DDX6: variants seen among roughly 807,000 people sequenced by gnomAD.
DDX6 encodes DEAD-box helicase 6.
Under a neutral mutation model 60.6 loss-of-function variants are expected in DDX6, and 7 were observed. The ratio of observed to expected loss-of-function variants is 0.12; its 90% CI spans 0.07 to 0.22. The LOEUF (loss-of-function observed/expected upper bound fraction) is 0.22. Among genes scored for constraint, DDX6 ranks in the 10% least tolerant of loss-of-function variants. The probability of loss-of-function intolerance (pLI) is 1.00; values close to 1 mark genes in which losing one functional copy is unlikely to be tolerated. For synonymous variants in DDX6, 207 were observed against 201.0 expected (o/e 1.03, Z -0.25); for missense variants, 270 against 589.9 (o/e 0.46, Z 5.62).
rs1860676457 is a variant in DDX6, at chr11:118,749,383, A to AAAAAAAAAT, written c.*2721_*2722insATTTTTTTT. 1.4e-5 allele frequency: 2 copies of AAAAAAAAAT among 144,914 alleles called. No individual in the cohort carries two copies. The highest frequency in any genetic ancestry group is 1.5e-5 in the Non-Finnish European group (1 of 66,068). 9.0% of individuals were successfully genotyped at this position (144,914 alleles called of 1,614,324 possible). On this transcript the variant is annotated 3_prime_UTR_variant, in exon 14 of 14. Coordinates refer to ENST00000534980, the MANE Select transcript of DDX6 (RefSeq NM_004397.6). ...GAAAAAAAAAAAAAAAAAAAAAAAG[A>AAAAAAAAAT]CCAGGCTTTGACCTAGTCCTCAGAG...
intron 1 of DDX6, chr11:118,789,971 T>C (rs1351104609): frequency 2.6e-5 from 4 of 152,172 alleles, no homozygotes; most frequent in African/African-American, 7.2e-5. Context: ...GTAGACTAGT[T>C]GGGAGGAGCC....
chr11:118,779,999 G>A (rs927270786), intron 3 of DDX6, among the ~76,000 whole-genome samples: 5 of 150,388 alleles, frequency 3.3e-5, no homozygotes, highest in South Asian at 4.2e-4. Flanking sequence ...GCCTGTAGTC[G>A]CAGCTACTTG....
Position 118,751,747 on chromosome 11 carries a change from G to A in DDX6, c.*358C>T. The A allele has an allele frequency of 3.3e-6, 1 of 298,844 alleles. No individual in the cohort carries two copies. Among genetic ancestry groups the A allele is most frequent in the Non-Finnish European group, 6.6e-6 (1 of 152,132 alleles). The allele number at this position is 298,844 out of a possible 1,614,324, so 18.5% of individuals were successfully genotyped here. On this transcript the variant is annotated 3_prime_UTR_variant, in exon 14 of 14. Transcript: ENST00000534980. ...CGAGAGTCAGCTGTTGGAGAATTTT[G>A]AAATCATTGACAAGCTTGTGTGTTC...
At chr11:118,788,958 G>A (rs1862172819) in intron 1 of DDX6, 1 of 152,144 alleles carries the variant, frequency 6.6e-6, no homozygotes, top group Non-Finnish European at 1.5e-5. Flanking sequence ...TAGGATTACA[G>A]GCGAGAGCCA....
intron 5 of DDX6, 125 bp downstream of exon 5, chr11:118,768,098 C>G (rs1861415897): frequency 4.2e-6 from 4 of 957,030 alleles, no homozygotes; most frequent in Non-Finnish European, 4.4e-6. Flanking sequence ...AAGAAAAAAC[C>G]TGAAAAGAAA....
chr11:118,753,143 C>A (rs1278758515), intron 13 of DDX6, among the ~76,000 whole-genome samples: 1 of 152,110 alleles, frequency 6.6e-6, no homozygotes, highest in Non-Finnish European at 1.5e-5. Flanking sequence ...ATTCTCCTGC[C>A]TCAGCCTCCT....
At chr11:118,776,826 T>A (rs1555163696) in intron 4 of DDX6, among the ~76,000 whole-genome samples, 6 of 147,864 alleles carry the variant, frequency 4.1e-5, no homozygotes, top group Non-Finnish European at 8.9e-5. Context: ...AGTAAGGCTC[T>A]GTCTCAAAAA....
In DDX6 at chr11:118,781,125, G is replaced by T; in HGVS notation, c.260C>A (p.Thr87Asn). Residue 87 changes from threonine to asparagine, a missense_variant, in exon 3 of 14, where the codon ACT becomes AAT. Physicochemically the swap from Thr to Asn is moderately conservative, Grantham distance 65. Transcript: ENST00000534980. ...KLPPKDLRIK[T>N]SDVTSTKGNE... ...TGTATTTTACAACCAACTTACCGAA[G>T]TTTTGATTCTTAGATCCTTTGGAGG... 1 of 1,599,978 alleles carries T rather than the reference G, an allele frequency of 6.3e-7. No individual in the cohort carries two copies. Among genetic ancestry groups the T allele is most frequent in the Non-Finnish European group, 8.5e-7 (1 of 1,170,656 alleles).
Position 118,757,111 on chromosome 11 carries a change from A to G in DDX6, c.1110+60T>C, listed in dbSNP as rs569709892. 8.0e-5 allele frequency: 75 copies of G among 936,748 alleles called. No individual in the cohort carries two copies. In the African/African-American group the frequency reaches 1.2e-3, roughly 15 times the overall value. The allele number at this position is 936,748 out of a possible 1,614,324, so 58.0% of individuals were successfully genotyped here. A position where few individuals can be genotyped will look rare whatever the true frequency, so the allele number is the denominator to read the frequency against. ...ACTCAGGACATTTAAAAGAACATTAAAACAAAATAAAGAAAGAGATTTCTT... is the reference window on the plus strand; with the variant it reads ...ACTCAGGACATTTAAAAGAACATTAGAACAAAATAAAGAAAGAGATTTCTT... On this transcript the variant is annotated intron_variant, in intron 10 of 13. Coordinates refer to ENST00000534980, the MANE Select transcript of DDX6 (RefSeq NM_004397.6).
chr11:118,763,640 C>A (rs575855297), intron 6 of DDX6, among the ~76,000 whole-genome samples: 17 of 152,004 alleles, frequency 1.1e-4, no homozygotes, highest in African/African-American at 3.6e-4. Flanking sequence ...TCGAGACCAG[C>A]CTGGCCAACA....
At chr11:118,780,881 C>T (rs1034102142) in intron 3 of DDX6, among the ~76,000 whole-genome samples, 3 of 152,114 alleles carry the variant, frequency 2.0e-5, no homozygotes, top group Non-Finnish European at 2.9e-5. Context: ...TAAATGCCCC[C>T]GGGAGACAAA....
chr11:118,750,457 T>A lies in DDX6; in HGVS notation c.*1648A>T, dbSNP rs138558622. The A allele has an allele frequency of 1.3e-5, 2 of 152,278 alleles. No individual in the cohort carries two copies. Among genetic ancestry groups the A allele is most frequent in the South Asian group, 4.1e-4 (2 of 4,830 alleles). 9.4% of individuals were successfully genotyped at this position (152,278 alleles called of 1,614,324 possible). On this transcript the variant is annotated 3_prime_UTR_variant, in exon 14 of 14. Coordinates refer to ENST00000534980, the MANE Select transcript of DDX6 (RefSeq NM_004397.6). The stretch of plus-strand genomic sequence containing the variant: ...CAAGAGAATGGCAAGCAGCTTTCTG[T>A]AGCATGAAAGTTAACAGCTCTCAGG...
intron 4 of DDX6, among the ~76,000 whole-genome samples, chr11:118,769,929 T>C (rs1227669364): frequency 6.6e-6 from 1 of 151,316 alleles, no homozygotes; most frequent in Non-Finnish European, 1.5e-5. Flanking sequence ...AGGATGGTGT[T>C]GATCTCCTGA....
rs558478636 is a variant in DDX6, at chr11:118,749,364, A to G, written c.*2741T>C. ...TGAGGGCCCAAAAAAGAAAGAAAAA[A>G]AAAAAAAAAAAAAAAAAGACCAGGC... On this transcript the variant is annotated 3_prime_UTR_variant, in exon 14 of 14. Transcript: ENST00000534980. The G allele has an allele frequency of 6.8e-6, 1 of 146,680 alleles. No individual in the cohort carries two copies. The highest frequency in any genetic ancestry group is 2.5e-5 in the African/African-American group (1 of 39,568). 9.1% of individuals were successfully genotyped at this position (146,680 alleles called of 1,614,324 possible). A position where few individuals can be genotyped will look rare whatever the true frequency, so the allele number is the denominator to read the frequency against.
At position 118,783,057 on chromosome 11, in the gene DDX6, T is replaced by C. The variant is rs1256726041; in HGVS notation, c.201-1873A>G. Among the ~76,000 whole-genome samples, 4 of 151,072 alleles carry C rather than the reference T, an allele frequency of 2.6e-5. No individual in the cohort carries two copies. The East Asian group carries it at 7.8e-4, about 29-fold the overall frequency. Reference sequence around the variant, plus strand: ...ATGCAAAACCTGACCACAAGAAATTTATAATCTTATGAGATGAAAAAACTA... The same window carrying C: ...ATGCAAAACCTGACCACAAGAAATTCATAATCTTATGAGATGAAAAAACTA... On this transcript the variant is annotated intron_variant, in intron 2 of 13. Transcript: ENST00000534980.
At chr11:118,787,852 T>C (rs921786423) in intron 1 of DDX6, 2 of 152,082 alleles carry the variant, frequency 1.3e-5, no homozygotes, top group Non-Finnish European at 2.9e-5. Context: ...ATTTTATTCA[T>C]TTATAACAAA....
chr11:118,764,817 A>ATACACACAC (rs553618618), intron 6 of DDX6, among the ~76,000 whole-genome samples: 2 of 20,364 alleles, frequency 9.8e-5, no homozygotes, highest in East Asian at 2.9e-3. Flanking sequence ...AAAAAAAAAA[A>ATACACACAC]ATATACACAC....
chr11:118,775,846 C>T (rs1336793729), intron 4 of DDX6, among the ~76,000 whole-genome samples: 2 of 152,160 alleles, frequency 1.3e-5, no homozygotes, highest in Non-Finnish European at 2.9e-5. Flanking sequence ...AGAATGAGGA[C>T]TGGGCTAAGT....
At chr11:118,767,958 T>A (rs974961799) in intron 5 of DDX6, 1 of 328,358 alleles carries the variant, frequency 3.0e-6, no homozygotes, top group African/African-American at 2.2e-5. Context: ...TATAGGGCAC[T>A]AATACTTATT....
Sources: gnomAD v4.1 joint callset for allele counts (sites outside exome capture counted in the v4.1 genomes callset) on GRCh38, gnomAD v4.1.1 for gene constraint, MANE v1.5 for transcripts, NCBI Gene and HGNC (gene_info 2026-07-23, HGNC 2026-07-21) for gene names.